TCEA3: variants seen among roughly 807,000 people sequenced by gnomAD.
The protein encoded by TCEA3 is transcription elongation factor A3.
In TCEA3, 36 loss-of-function variants were observed where a neutral mutation model predicts 44.0. That is an observed-to-expected ratio of 0.82 (90% CI 0.63 to 1.08). TCEA3 has a LOEUF of 1.08. TCEA3 is among the 50% of genes least tolerant of loss of function. The probability of loss-of-function intolerance (pLI) is 0.00; values close to 1 mark genes in which losing one functional copy is unlikely to be tolerated. For missense variants in TCEA3, 392 were observed against 441.2 expected (o/e 0.89, Z 1.00); for synonymous variants, 162 against 159.7 (o/e 1.01, Z -0.11).
intron 5 of TCEA3, among the ~76,000 whole-genome samples, chr1:23,406,608 A>T (rs556881944): frequency 6.6e-6 from 1 of 151,916 alleles, no homozygotes; most frequent in Non-Finnish European, 1.5e-5. Context: ...TTACACACTA[A>T]TGACTCTACA....
In TCEA3 at chr1:23,393,446, C is replaced by T. The variant is rs562280683; in HGVS notation, c.819+433G>A. On this transcript the variant is annotated intron_variant, in intron 8 of 10. Transcript: ENST00000450454. ...CCCCACATATACCCTCTACACACCT[C>T]ACACATCATACGTACCACATAGACA... Among the ~76,000 whole-genome samples the T allele has an allele frequency of 1.4e-4, 21 of 152,128 alleles. No homozygotes were observed. The South Asian group carries it at 1.7e-3, about 12-fold the overall frequency.
intron 8 of TCEA3, among the ~76,000 whole-genome samples, chr1:23,392,475 C>CACACTCCACACATACACACA (rs796674857): frequency 8.4e-5 from 1 of 11,842 alleles, no homozygotes; most frequent in Non-Finnish European, 1.5e-4. Flanking sequence ...ATCATACACA[C>CACACTCCACACATACACACA]CACACACTCC....
chr1:23,400,749 G>A (rs1318142824), intron 5 of TCEA3, among the ~76,000 whole-genome samples: 1 of 152,076 alleles, frequency 6.6e-6, no homozygotes, highest in Non-Finnish European at 1.5e-5. Context: ...CCCACTCGAG[G>A]GTCTTACCAA....
intron 4 of TCEA3, among the ~76,000 whole-genome samples, chr1:23,410,232 A>G (rs1639670078): frequency 6.6e-6 from 1 of 152,012 alleles, no homozygotes; most frequent in African/African-American, 2.4e-5. Context: ...GGGATAGACA[A>G]TGCAAGCAGG....
chr1:23,397,699 G>T, intron 6 of TCEA3, 93 bp downstream of exon 6: 1 of 1,606,240 alleles, frequency 6.2e-7, no homozygotes, highest in Non-Finnish European at 8.5e-7. Context: ...ACCATCCCTT[G>T]GGGTGCTGAG....
chr1:23,414,138 G>A (rs1005917711), intron 4 of TCEA3, among the ~76,000 whole-genome samples: 7 of 151,880 alleles, frequency 4.6e-5, no homozygotes, highest in African/African-American at 1.4e-4. Flanking sequence ...ACAGGCTGGC[G>A]TGCAGTGGCA....
intron 1 of TCEA3, among the ~76,000 whole-genome samples, chr1:23,422,922 C>T (rs894942296): frequency 7.2e-5 from 11 of 152,224 alleles, no homozygotes; most frequent in Admixed American, 4.6e-4. Flanking sequence ...TGCCTCTCCT[C>T]CGGTCTCTAG....
chr1:23,409,144 C>G (rs1639638203), intron 4 of TCEA3, among the ~76,000 whole-genome samples: 1 of 152,092 alleles, frequency 6.6e-6, no homozygotes, highest in Admixed American at 6.6e-5. Flanking sequence ...TTCAGCCTCC[C>G]CGGCAGGCAC....
intron 5 of TCEA3, among the ~76,000 whole-genome samples, chr1:23,399,126 T>TTATATATATGTATATATGTATATATATA (rs1558042506): frequency 1.4e-5 from 1 of 73,384 alleles, no homozygotes; most frequent in Non-Finnish European, 3.1e-5. Flanking sequence ...CAGGTTTTGT[T>TTATATATATGTATATATGTATATATATA]TATATATATG....
At chr1:23,409,065 G>A (rs566233135) in intron 4 of TCEA3, among the ~76,000 whole-genome samples, 2 of 152,310 alleles carry the variant, frequency 1.3e-5, no homozygotes, top group East Asian at 3.9e-4. Flanking sequence ...TAGCTAACTG[G>A]AGTCCACAGA....
intron 5 of TCEA3, among the ~76,000 whole-genome samples, chr1:23,404,685 G>A (rs1035156983): frequency 3.9e-5 from 6 of 152,222 alleles, no homozygotes; most frequent in Non-Finnish European, 5.9e-5. Context: ...TTGGCCAGGC[G>A]CGGTGGCTCA....
At position 23,418,135 on chromosome 1, in the gene TCEA3, C is replaced by T. The variant is rs924497451; in HGVS notation, c.133-126G>A. 11 of 900,926 alleles carry T rather than the reference C, an allele frequency of 1.2e-5. No homozygotes were observed. In the Admixed American group the frequency reaches 1.8e-4, roughly 15 times the overall value. The allele number at this position is 900,926 out of a possible 1,614,324, so 55.8% of individuals were successfully genotyped here. A position where few individuals can be genotyped will look rare whatever the true frequency, so the allele number is the denominator to read the frequency against. On this transcript the variant is annotated intron_variant, in intron 2 of 10. Coordinates refer to ENST00000450454, the MANE Select transcript of TCEA3 (RefSeq NM_003196.3). ...CCAACCTGGACCCCCAGAGTCCTAG[C>T]CCTGACTCCTGGCTGAGGTCAGAAC... is the stretch of plus-strand genomic sequence containing the variant.
At chr1:23,397,980 C>T (rs756387091) in intron 5 of TCEA3, 25 bp from the exon 6 acceptor site, 22 of 1,611,800 alleles carry the variant, frequency 1.4e-5, no homozygotes, top group East Asian at 6.7e-5. Flanking sequence ...AAGTAACAGA[C>T]ATTTGACATT....
intron 4 of TCEA3, among the ~76,000 whole-genome samples, chr1:23,415,974 T>C (rs970771116): frequency 2.9e-4 from 44 of 151,834 alleles, no homozygotes; most frequent in Middle Eastern, 3.4e-3. Flanking sequence ...TGTGGGTGAT[T>C]TTTTTTTCTA....
chr1:23,421,503 GAA>G (rs11340914), intron 1 of TCEA3, among the ~76,000 whole-genome samples: 46 of 148,762 alleles, frequency 3.1e-4, no homozygotes, highest in African/African-American at 7.2e-4. Flanking sequence ...AGTTCTCAAG[GAA>G]AAAAAAAAAA....
intron 1 of TCEA3, 89 bp downstream of exon 1, chr1:23,424,476 C>A (rs1640159672): frequency 1.6e-6 from 2 of 1,254,118 alleles, no homozygotes; most frequent in Non-Finnish European, 2.3e-6. Flanking sequence ...GCCCCCATGG[C>A]GCCCCGCCAG....
rs563021732 is a variant in TCEA3, at chr1:23,397,029, G to A, written c.664+516C>T. Among the ~76,000 whole-genome samples the A allele has an allele frequency of 1.3e-3, 201 of 149,932 alleles. 3 individuals are homozygous for A. Among genetic ancestry groups the A allele is most frequent in the African/African-American group, 4.1e-3 (167 of 40,686 alleles). On this transcript the variant is annotated intron_variant, in intron 7 of 10. Coordinates refer to ENST00000450454, the MANE Select transcript of TCEA3 (RefSeq NM_003196.3). ...TCAAAAAAAAAAAAAAAAAAAAAAGGGCGCTGTTAACATCAGAGGATGGGA... is the reference window on the plus strand; with the variant it reads ...TCAAAAAAAAAAAAAAAAAAAAAAGAGCGCTGTTAACATCAGAGGATGGGA...
intron 4 of TCEA3, among the ~76,000 whole-genome samples, chr1:23,414,778 C>T (rs1044215123): frequency 1.3e-5 from 2 of 152,090 alleles, no homozygotes; most frequent in Non-Finnish European, 2.9e-5. Context: ...AATACAAAAT[C>T]GCTAAACTAA....
At chr1:23,401,777 G>A (rs1639402465) in intron 5 of TCEA3, among the ~76,000 whole-genome samples, 2 of 152,092 alleles carry the variant, frequency 1.3e-5, no homozygotes, top group East Asian at 3.9e-4. Flanking sequence ...ACCCCCTGGG[G>A]CCACGGACTG....
Sources: gnomAD v4.1 joint callset for allele counts (sites outside exome capture counted in the v4.1 genomes callset) on GRCh38, gnomAD v4.1.1 for gene constraint, MANE v1.5 for transcripts, NCBI Gene and HGNC (gene_info 2026-07-23, HGNC 2026-07-21) for gene names.